SRGAP1: variants seen among roughly 807,000 people sequenced by gnomAD.
The protein encoded by SRGAP1 is SLIT-ROBO Rho GTPase activating protein 1.
SRGAP1 carries 43 observed loss-of-function variants against 121.9 expected under a neutral mutation model. The ratio of observed to expected loss-of-function variants is 0.35; its 90% CI spans 0.28 to 0.46. The LOEUF is 0.46. SRGAP1 is among the 20% of genes least tolerant of loss of function. The pLI is 1.00. For synonymous variants in SRGAP1, 447 were observed against 485.4 expected (o/e 0.92, Z 1.04); for missense variants, 1,102 against 1,350.9 (o/e 0.82, Z 2.89).
intron 1 of SRGAP1, among the ~76,000 whole-genome samples, chr12:63,939,834 T>G (rs1302708468): frequency 6.6e-6 from 1 of 152,168 alleles, no homozygotes; most frequent in Non-Finnish European, 1.5e-5. Context: ...TATTCCCTTC[T>G]GTGAAATGGA....
At chr12:64,004,568 C>T (rs1308666601) in intron 3 of SRGAP1, among the ~76,000 whole-genome samples, 1 of 152,116 alleles carries the variant, frequency 6.6e-6, no homozygotes. Flanking sequence ...GACAGGGTTT[C>T]ACCATGTTGG....
At chr12:64,016,100 G>GC (rs1555166210) in intron 3 of SRGAP1, among the ~76,000 whole-genome samples, 2 of 152,050 alleles carry the variant, frequency 1.3e-5, no homozygotes, top group Non-Finnish European at 2.9e-5. Context: ...AATAATAAAT[G>GC]CAGAGGTAAA....
intron 6 of SRGAP1, among the ~76,000 whole-genome samples, chr12:64,044,674 CTTTTTTTTT>C (rs558248193): frequency 2.2e-4 from 16 of 72,124 alleles, no homozygotes; most frequent in Admixed American, 5.4e-4. Context: ...TGATGTGCCT[CTTTTTTTTT>C]TTTTTTTTTT....
At chr12:63,985,625 G>A (rs891851575) in intron 2 of SRGAP1, among the ~76,000 whole-genome samples, 25 of 152,046 alleles carry the variant, frequency 1.6e-4, no homozygotes, top group Non-Finnish European at 7.4e-5. Context: ...ATTTCTAGGG[G>A]CCAAAAAAAG....
At chr12:64,109,110 G>A (rs2036391805) in intron 16 of SRGAP1, 73 bp downstream of exon 16, 18 of 999,080 alleles carry the variant, frequency 1.8e-5, no homozygotes, top group Middle Eastern at 4.5e-4. Context: ...TAAAATGTAC[G>A]TTGGGTTCCA....
chr12:63,919,543 T>C (rs1043988162), intron 1 of SRGAP1, among the ~76,000 whole-genome samples: 2 of 145,232 alleles, frequency 1.4e-5, no homozygotes, highest in African/African-American at 5.6e-5. Flanking sequence ...CACACACAAC[T>C]ATGTTTGAAA....
intron 3 of SRGAP1, among the ~76,000 whole-genome samples, chr12:64,012,432 T>C (rs2034277144): frequency 6.6e-6 from 1 of 152,038 alleles, no homozygotes; most frequent in Non-Finnish European, 1.5e-5. Flanking sequence ...ATTTCTTCCC[T>C]AACACAGAAG....
chr12:63,889,409 C>T (rs1900501790), intron 1 of SRGAP1, among the ~76,000 whole-genome samples: 1 of 152,100 alleles, frequency 6.6e-6, no homozygotes, highest in African/African-American at 2.4e-5. Context: ...TGGGTGATCC[C>T]CGTTCCTATT....
intron 1 of SRGAP1, 126 bp from the exon 2 acceptor site, chr12:63,983,798 ATATATATATATATATATATATAT>A (rs2033322413): frequency 9.0e-4 from 1 of 1,116 alleles, no homozygotes; most frequent in African/African-American, 1.2e-3. Context: ...TACATTTAAA[ATATATATATATATATATATATAT>A]ATATATATAT....
At chr12:63,849,972 A>C (rs1369257145) in intron 1 of SRGAP1, among the ~76,000 whole-genome samples, 1 of 152,210 alleles carries the variant, frequency 6.6e-6, no homozygotes, top group Non-Finnish European at 1.5e-5. Flanking sequence ...CTAAGAGAGC[A>C]AGGAAACCGT....
intron 3 of SRGAP1, among the ~76,000 whole-genome samples, 155 bp from the exon 4 acceptor site, chr12:64,016,795 T>C (rs1212756674): frequency 6.6e-6 from 1 of 152,250 alleles, no homozygotes; most frequent in Non-Finnish European, 1.5e-5. Context: ...CTGTATACAA[T>C]GTCTAGAGTT....
chr12:64,091,389 C>G lies in SRGAP1; in HGVS notation c.1539+11C>G. 6.3e-7 allele frequency: 1 copy of G among 1,588,818 alleles called. No homozygotes were observed. The highest frequency in any genetic ancestry group is 8.6e-7 in the Non-Finnish European group (1 of 1,162,340). Reference sequence around the variant, plus strand: ...GAAACATTCGTCAAGGTACTGGCACCAGCCATCTGGGTGGCTGATCTCCAT... The same window carrying G: ...GAAACATTCGTCAAGGTACTGGCACGAGCCATCTGGGTGGCTGATCTCCAT... On this transcript the variant is annotated intron_variant, in intron 12 of 21. Transcript: ENST00000355086.
chr12:63,902,192 T>G (rs1017852592), intron 1 of SRGAP1, among the ~76,000 whole-genome samples: 1 of 152,180 alleles, frequency 6.6e-6, no homozygotes, highest in Non-Finnish European at 1.5e-5. Context: ...AGTTGAGATC[T>G]CTAGTTTGTC....
intron 1 of SRGAP1, among the ~76,000 whole-genome samples, chr12:63,912,023 T>G (rs1383135543): frequency 1.3e-5 from 2 of 152,000 alleles, no homozygotes; most frequent in Admixed American, 6.6e-5. Flanking sequence ...AATTAGGGAG[T>G]GTACTTGGTC....
chr12:63,889,303 C>T (rs1217909884), intron 1 of SRGAP1, among the ~76,000 whole-genome samples: 1 of 152,152 alleles, frequency 6.6e-6, no homozygotes, highest in African/African-American at 2.4e-5. Flanking sequence ...ACATAATGCC[C>T]TGCTGACAGC....
rs1195474507 is a variant in SRGAP1 at position 64,148,735 on chromosome 12, TTTA to T, written c.*6067_*6069del. The T allele has an allele frequency of 6.6e-6, 1 of 152,128 alleles. No homozygotes were observed. Among genetic ancestry groups the T allele is most frequent in the African/African-American group, 2.4e-5 (1 of 41,390 alleles). The allele number at this position is 152,128 out of a possible 1,614,324, so 9.4% of individuals were successfully genotyped here. On this transcript the variant is annotated 3_prime_UTR_variant, in exon 22 of 22. Transcript: ENST00000355086. ...ACAGGCAAATCAAGGAAAAACACTT[TTTA>T]TTAAAGTGCAGAATACTAACAAAAG...
chr12:63,943,036 C>T (rs1480711291), intron 1 of SRGAP1, among the ~76,000 whole-genome samples: 1 of 152,206 alleles, frequency 6.6e-6, no homozygotes, highest in East Asian at 1.9e-4. Flanking sequence ...GTATGTTTCT[C>T]GAAAGTTTCA....
In SRGAP1 at chr12:64,150,561, G is replaced by C. The variant is rs1473684757; in HGVS notation, c.*7889G>C. Reference sequence around the variant, plus strand: ...CAGGAGAGAAGGAAACATCTTCAGTGGTCCAGTGGCACATTCAAAATTGTA... The same window carrying C: ...CAGGAGAGAAGGAAACATCTTCAGTCGTCCAGTGGCACATTCAAAATTGTA... On this transcript the variant is annotated 3_prime_UTR_variant, in exon 22 of 22. Transcript: ENST00000355086. The C allele has an allele frequency of 2.6e-5, 4 of 152,006 alleles. No homozygotes were observed. The highest frequency in any genetic ancestry group is 9.7e-5 in the African/African-American group (4 of 41,368). The allele number at this position is 152,006 out of a possible 1,614,324, so 9.4% of individuals were successfully genotyped here. A position where few individuals can be genotyped will look rare whatever the true frequency, so the allele number is the denominator to read the frequency against.
At chr12:63,993,321 A>G (rs1398058780) in intron 3 of SRGAP1, among the ~76,000 whole-genome samples, 1 of 152,204 alleles carries the variant, frequency 6.6e-6, no homozygotes, top group Non-Finnish European at 1.5e-5. Flanking sequence ...TTAGCATTCC[A>G]ATAGTGGAAC....
Sources: allele counts gnomAD v4.1 joint callset (sites outside exome capture counted in the v4.1 genomes callset), GRCh38; gene constraint gnomAD v4.1.1; transcripts MANE v1.5; gene names NCBI Gene and HGNC (gene_info 2026-07-23, HGNC 2026-07-21).